SUGCT: variants seen among roughly 807,000 people sequenced by gnomAD.
SUGCT encodes the protein succinyl-CoA:glutarate CoA-transferase.
Under a neutral mutation model 55.0 loss-of-function variants are expected in SUGCT, and 41 were observed. That is an observed-to-expected ratio of 0.74 (90% CI 0.58 to 0.97). SUGCT has a LOEUF of 0.97. SUGCT is among the 50% of genes least tolerant of loss of function. The probability of loss-of-function intolerance (pLI) is 0.00; values close to 1 mark genes in which losing one functional copy is unlikely to be tolerated. For missense variants in SUGCT, 568 were observed against 547.8 expected (o/e 1.04, Z -0.37); for synonymous variants, 187 against 200.4 (o/e 0.93, Z 0.56).
At chr7:41,020,464 A>G in the SUGCT span, among the ~76,000 whole-genome samples, 20 of 152,228 alleles carry the variant, frequency 1.3e-4, no homozygotes, top group Admixed American at 6.5e-5. Flanking sequence ...TTAAAACCAC[A>G]GATTTAAAAT....
At chr7:40,531,670 T>A (rs1036302788) in intron 12 of SUGCT, among the ~76,000 whole-genome samples, 62 of 150,980 alleles carry the variant, frequency 4.1e-4, no homozygotes, top group African/African-American at 1.4e-3. Context: ...GTATATATAT[T>A]TTTTTATTTT....
At chr7:40,898,342 G>T in the SUGCT span, among the ~76,000 whole-genome samples, 1 of 152,194 alleles carries the variant, frequency 6.6e-6, no homozygotes, top group Non-Finnish European at 1.5e-5. Flanking sequence ...CACCGCGAAG[G>T]TCTGCGGCTT....
intron 13 of SUGCT, among the ~76,000 whole-genome samples, chr7:40,758,135 C>CTTTATGG (rs1401874084): frequency 2.5e-3 from 378 of 152,170 alleles, no homozygotes; most frequent in African/African-American, 8.5e-3. Flanking sequence ...GAGTGAGTTG[C>CTTTATGG]TTGGCTTTAT....
At chr7:40,917,681 T>G in the SUGCT span, among the ~76,000 whole-genome samples, 1 of 152,160 alleles carries the variant, frequency 6.6e-6, no homozygotes, top group Admixed American at 6.5e-5. Flanking sequence ...TCTCACAGTA[T>G]TGGAGACTGA....
At position 40,402,064 on chromosome 7, in the gene SUGCT, C is replaced by T. The variant is rs948945702; in HGVS notation, c.817-47223C>T. ...ACAATAATAGCCAATATTTATTGAGCGTTTATGTGCCAGGTACTATTCTAA... is the reference window on the plus strand; with the variant it reads ...ACAATAATAGCCAATATTTATTGAGTGTTTATGTGCCAGGTACTATTCTAA... On this transcript the variant is annotated intron_variant, in intron 9 of 13. Transcript: ENST00000335693. Among the ~76,000 whole-genome samples the T allele has an allele frequency of 3.3e-5, 5 of 151,948 alleles. No individual in the cohort carries two copies. In the South Asian group the frequency reaches 8.3e-4, roughly 25 times the overall value.
intron 11 of SUGCT, among the ~76,000 whole-genome samples, chr7:40,478,712 T>G (rs931678980): frequency 1.3e-5 from 2 of 152,108 alleles, no homozygotes; most frequent in Non-Finnish European, 2.9e-5. Flanking sequence ...TTTGGCAAAT[T>G]TCAAGTACAG....
chr7:40,884,084 C>G, the SUGCT span, among the ~76,000 whole-genome samples: 1 of 152,176 alleles, frequency 6.6e-6, no homozygotes, highest in Non-Finnish European at 1.5e-5. Flanking sequence ...GGAATCTCCA[C>G]CCTAGGCAAG....
intron 7 of SUGCT, among the ~76,000 whole-genome samples, chr7:40,246,268 G>A (rs1189239239): frequency 7.4e-6 from 1 of 135,044 alleles, no homozygotes; most frequent in Non-Finnish European, 1.6e-5. Context: ...TTTTTTCTTT[G>A]AGATGGAGTC....
chr7:40,139,901 T>C (rs111515371), intron 1 of SUGCT, among the ~76,000 whole-genome samples: 4 of 152,100 alleles, frequency 2.6e-5, no homozygotes, highest in Non-Finnish European at 5.9e-5. Context: ...GAATTTATTT[T>C]TTTCTTTCTT....
intron 12 of SUGCT, among the ~76,000 whole-genome samples, chr7:40,624,097 T>G (rs1292116891): frequency 1.3e-5 from 2 of 152,200 alleles, no homozygotes; most frequent in Non-Finnish European, 1.5e-5. Flanking sequence ...GTCTCTGGCT[T>G]GGAGTGATTT....
At position 40,848,217 on chromosome 7, in the gene SUGCT, C is replaced by CT. The variant is rs1162685551; in HGVS notation, c.1154-12094dup. ...TGCATAATTTACACTTCCTTTACTT[C>CT]TTTTTCTCTTCAAACATTCACCTTA... On this transcript the variant is annotated intron_variant, in intron 13 of 13. Transcript: ENST00000335693. Among the ~76,000 whole-genome samples the CT allele has an allele frequency of 3.3e-5, 5 of 152,076 alleles. No homozygotes were observed. The East Asian group carries it at 9.9e-4, about 30-fold the overall frequency.
chr7:40,440,145 GTTTTTTTTTTTTTTTTTTTT>G (rs138984553), intron 9 of SUGCT, among the ~76,000 whole-genome samples: 3 of 68,438 alleles, frequency 4.4e-5, no homozygotes, highest in Non-Finnish European at 7.3e-5. Flanking sequence ...GTGTGTGTGT[GTTTTTTTTTTTTTTTTTTTT>G]TTTTTTTTTT....
chr7:40,908,923 T>A, the SUGCT span, among the ~76,000 whole-genome samples: 1 of 152,236 alleles, frequency 6.6e-6, no homozygotes, highest in Non-Finnish European at 1.5e-5. Flanking sequence ...TAAATTTTTT[T>A]AAATGACCAT....
the SUGCT span, among the ~76,000 whole-genome samples, chr7:41,021,598 C>T: frequency 8.6e-5 from 13 of 151,894 alleles, no homozygotes; most frequent in East Asian, 5.8e-4. Flanking sequence ...GGAGAGTCAA[C>T]GATGGGAGTA....
At chr7:40,849,761 A>C (rs1338173042) in intron 13 of SUGCT, among the ~76,000 whole-genome samples, 1 of 151,866 alleles carries the variant, frequency 6.6e-6, no homozygotes, top group East Asian at 1.9e-4. Flanking sequence ...CAGACGGAAA[A>C]CACCACAGAG....
intron 8 of SUGCT, among the ~76,000 whole-genome samples, chr7:40,280,948 A>G (rs1792911159): frequency 6.6e-6 from 1 of 152,140 alleles, no homozygotes; most frequent in Admixed American, 6.6e-5. Context: ...GACTAGGCTG[A>G]CTTAAAAGAA....
Position 40,702,282 on chromosome 7 carries a change from A to G in SUGCT, c.1090-47152A>G, listed in dbSNP as rs189278567. 1.4e-3 allele frequency among the ~76,000 whole-genome samples: 215 copies of G among 152,328 alleles called. 1 individual carries two copies. The highest frequency in any genetic ancestry group is 5.1e-3 in the African/African-American group (210 of 41,566). On this transcript the variant is annotated intron_variant, in intron 12 of 13. Transcript: ENST00000335693. Reference sequence around the variant, plus strand: ...CAGCTGCTAGAACAAGTTTAAAAGAAATTTAAAATCTAGTTTCTAACCTCT... The same window carrying G: ...CAGCTGCTAGAACAAGTTTAAAAGAGATTTAAAATCTAGTTTCTAACCTCT...
chr7:40,374,618 T>C lies in SUGCT; in HGVS notation c.816+57763T>C, dbSNP rs1562725909. ...GACTGAATTCATCCTGAATATGAGTTAGGTATAACTAGCTCTGCATTTTCC... is the reference window on the plus strand; with the variant it reads ...GACTGAATTCATCCTGAATATGAGTCAGGTATAACTAGCTCTGCATTTTCC... On this transcript the variant is annotated intron_variant, in intron 9 of 13. Transcript: ENST00000335693. Among the ~76,000 whole-genome samples, 4 of 152,170 alleles carry C rather than the reference T, an allele frequency of 2.6e-5. No individual in the cohort carries two copies. The South Asian group carries it at 6.2e-4, about 24-fold the overall frequency.
chr7:40,779,464 A>C (rs541327312), intron 13 of SUGCT, among the ~76,000 whole-genome samples: 1 of 152,216 alleles, frequency 6.6e-6, no homozygotes, highest in Non-Finnish European at 1.5e-5. Context: ...TGGAGGCTTA[A>C]CAAGATTTTG....
Sources: gnomAD v4.1 joint callset for allele counts (sites outside exome capture counted in the v4.1 genomes callset) on GRCh38, gnomAD v4.1.1 for gene constraint, MANE v1.5 for transcripts, NCBI Gene and HGNC (gene_info 2026-07-23, HGNC 2026-07-21) for gene names.